Variants in MCF2L2 observed in about 807,000 individuals in gnomAD.
MCF2L2 encodes the protein MCF.2 cell line derived transforming sequence-like 2.
In MCF2L2, 102 loss-of-function variants were observed where a neutral mutation model predicts 150.2. The observed-to-expected ratio is 0.68, with a 90% CI of 0.58 to 0.80. MCF2L2 has a LOEUF of 0.80. Among genes scored for constraint, MCF2L2 ranks in the 30% least tolerant of loss-of-function variants. MCF2L2 has a pLI of 0.00. For missense variants in MCF2L2, 1,256 were observed against 1,372.8 expected, an observed-to-expected ratio of 0.91 and a Z score of 1.34; for synonymous variants, 465 against 491.3, an observed-to-expected ratio of 0.95 and a Z score of 0.71.
rs1022914521 is a variant in MCF2L2 at position 183,428,255 on chromosome 3, T to C, written c.-278A>G. 4.9e-6 allele frequency: 2 copies of C among 408,814 alleles called. No homozygotes were observed. Among genetic ancestry groups the C allele is most frequent in the Non-Finnish European group, 8.8e-6 (2 of 228,190 alleles). The allele number at this position is 408,814 out of a possible 1,614,324, so 25.3% of individuals were successfully genotyped here. On this transcript the variant is annotated 5_prime_UTR_variant, in exon 1 of 30. Transcript: ENST00000328913. This position sits in a 1 kb window ranked among gnomAD's most constrained non-coding sequence, Gnocchi z 5.1. ...TCTGCAAAAGGAAGCAAGTCGCCAA[T>C]CTCGCCGGAACCGCGCCCCGGCTCC...
intron 15 of MCF2L2, chr3:183,253,339 T>G (rs1361972234): frequency 6.6e-6 from 1 of 152,150 alleles, no homozygotes; most frequent in Non-Finnish European, 1.5e-5. Flanking sequence ...CCCGCAAGTT[T>G]TGTTCTTGAG....
intron 6 of MCF2L2, among the ~76,000 whole-genome samples, chr3:183,318,656 C>T (rs1729693192): frequency 1.3e-5 from 2 of 152,116 alleles, no homozygotes; most frequent in African/African-American, 4.8e-5. Flanking sequence ...TACAGGCAAA[C>T]CTCAGAGATA....
Position 183,355,330 on chromosome 3 carries a change from G to A in MCF2L2, c.276-13700C>T, listed in dbSNP as rs1421451357. Among the ~76,000 whole-genome samples, 5 of 152,190 alleles carry A rather than the reference G, an allele frequency of 3.3e-5. No homozygotes were observed. The East Asian group carries it at 9.6e-4, about 29-fold the overall frequency. On this transcript the variant is annotated intron_variant, in intron 3 of 29. Transcript: ENST00000328913. ...GGATACTGACCTTAGAAAATGGAGGGGAAAATGCTTGAAGGCCTCTTAGAG... is the reference window on the plus strand; with the variant it reads ...GGATACTGACCTTAGAAAATGGAGGAGAAAATGCTTGAAGGCCTCTTAGAG...
At chr3:183,306,728 C>A (rs1323810831) in intron 10 of MCF2L2, among the ~76,000 whole-genome samples, 3 of 152,240 alleles carry the variant, frequency 2.0e-5, no homozygotes, top group Non-Finnish European at 4.4e-5. Context: ...ATCTGCTTCT[C>A]TGTGTGTTTG....
At chr3:183,251,078 C>T (rs567843450) in intron 15 of MCF2L2, among the ~76,000 whole-genome samples, 30 of 152,280 alleles carry the variant, frequency 2.0e-4, no homozygotes, top group African/African-American at 7.2e-4. Flanking sequence ...AGGAAACAAC[C>T]AGAGTCTCTC....
chr3:183,400,275 C>A, intron 1 of MCF2L2: 1 of 316,736 alleles, frequency 3.2e-6, no homozygotes. Flanking sequence ...AATTTCTTCG[C>A]TTTAAATCAT....
intron 10 of MCF2L2, among the ~76,000 whole-genome samples, chr3:183,302,559 G>C (rs1041319573): frequency 6.6e-6 from 1 of 152,128 alleles, no homozygotes; most frequent in South Asian, 2.1e-4. Flanking sequence ...GGAGGATCTC[G>C]ATCATGTTTT....
intron 26 of MCF2L2, among the ~76,000 whole-genome samples, chr3:183,193,511 C>T (rs1721978370): frequency 6.6e-6 from 1 of 152,018 alleles, no homozygotes; most frequent in Non-Finnish European, 1.5e-5. Context: ...CCACCACACC[C>T]AGCTAATTTT....
chr3:183,287,244 T>A (rs1276606549), intron 14 of MCF2L2, among the ~76,000 whole-genome samples: 4 of 152,212 alleles, frequency 2.6e-5, no homozygotes, highest in African/African-American at 9.6e-5. Context: ...TTCCTTTATA[T>A]GAGAACTTCC....
chr3:183,315,368 G>T (rs1005633406), intron 7 of MCF2L2, among the ~76,000 whole-genome samples: 1 of 152,118 alleles, frequency 6.6e-6, no homozygotes, highest in African/African-American at 2.4e-5. Flanking sequence ...TGAGAATTTT[G>T]TCTTAAAATA....
chr3:183,302,229 T>C (rs541555702), intron 10 of MCF2L2, among the ~76,000 whole-genome samples: 32 of 152,178 alleles, frequency 2.1e-4, no homozygotes, highest in Non-Finnish European at 3.8e-4. Flanking sequence ...GCCTTTCTCC[T>C]TTGCTAATTT....
chr3:183,386,320 C>T (rs946739814), intron 2 of MCF2L2, among the ~76,000 whole-genome samples: 4 of 152,214 alleles, frequency 2.6e-5, no homozygotes, highest in African/African-American at 4.8e-5. Context: ...TCACTGTGAA[C>T]ATGCAGGTGT....
chr3:183,257,694 T>C (rs987515270), intron 15 of MCF2L2, among the ~76,000 whole-genome samples: 7 of 152,254 alleles, frequency 4.6e-5, no homozygotes, highest in Admixed American at 3.9e-4. Context: ...GAATGGGACG[T>C]AGGAACTGCC....
intron 7 of MCF2L2, among the ~76,000 whole-genome samples, chr3:183,314,572 C>T (rs1729519240): frequency 6.6e-6 from 1 of 151,878 alleles, no homozygotes; most frequent in Admixed American, 6.6e-5. Flanking sequence ...CTCAAAAATC[C>T]CAGGAGAAAG....
At chr3:183,217,294 CAAAAAAA>C (rs35973262) in intron 21 of MCF2L2, among the ~76,000 whole-genome samples, 1 of 15,182 alleles carries the variant, frequency 6.6e-5, no homozygotes, top group African/African-American at 2.5e-4. Flanking sequence ...AACCCCGTCT[CAAAAAAA>C]AAAAAAAAAA....
intron 6 of MCF2L2, among the ~76,000 whole-genome samples, chr3:183,320,022 C>CATCT (rs1376081601): frequency 6.6e-6 from 1 of 151,954 alleles, no homozygotes; most frequent in Non-Finnish European, 1.5e-5. Flanking sequence ...TCTTAGATGA[C>CATCT]ATCTTCTTCC....
At chr3:183,300,252 G>C in intron 10 of MCF2L2, 56 bp from the exon 11 acceptor site, 6 of 1,475,922 alleles carry the variant, frequency 4.1e-6, no homozygotes, top group Non-Finnish European at 5.5e-6. Flanking sequence ...ATGAGGCTGA[G>C]AGCTGCCTGG....
At chr3:183,294,816 G>A (rs1039392515) in intron 13 of MCF2L2, among the ~76,000 whole-genome samples, 1 of 151,888 alleles carries the variant, frequency 6.6e-6, no homozygotes, top group Non-Finnish European at 1.5e-5. Flanking sequence ...TTTTAGTATA[G>A]ATGGGGTTTC....
intron 1 of MCF2L2, among the ~76,000 whole-genome samples, chr3:183,404,881 A>G (rs917784187): frequency 1.3e-5 from 2 of 152,118 alleles, no homozygotes; most frequent in African/African-American, 4.8e-5. Flanking sequence ...AAAGAAAAAA[A>G]AAATCTGAAA....
Sources: gnomAD v4.1 joint callset for allele counts (sites outside exome capture counted in the v4.1 genomes callset) on GRCh38, gnomAD v4.1.1 for gene constraint, Gnocchi (gnomAD v3.1) non-coding constraint, MANE v1.5 for transcripts, NCBI Gene and HGNC (gene_info 2026-07-23, HGNC 2026-07-21) for gene names.